Variants in SPIN3 observed in about 807,000 individuals in gnomAD.
The protein encoded by SPIN3 is spindlin-3.
For synonymous variants in SPIN3, 74 were observed against 74.3 expected, an observed-to-expected ratio of 1.00 and a Z score of 0.02; for missense variants, 176 against 196.4, an observed-to-expected ratio of 0.90 and a Z score of 0.62.
chrX:56,990,313 A>G (rs1924302973), downstream of SPIN3, among the ~76,000 whole-genome samples: 2 of 111,742 alleles, frequency 1.8e-5, no homozygotes, highest in South Asian at 7.5e-4. Flanking sequence ...GCCCCAATTC[A>G]AACTATGCCT....
In SPIN3 at chrX:56,976,994, G is replaced by A. The variant is rs1354069070; in HGVS notation, c.*614C>T. On this transcript the variant is annotated 3_prime_UTR_variant and NMD_transcript_variant, in exon 6 of 6. Transcript: ENST00000475785. Reference sequence around the variant, plus strand: ...TTGAGTGGAGCTGTTACCTGTTTATGTAATTTTTCTTGTTGAAATGAACAA... The same window carrying A: ...TTGAGTGGAGCTGTTACCTGTTTATATAATTTTTCTTGTTGAAATGAACAA... The A allele has an allele frequency of 2.7e-5, 3 of 111,624 alleles. No individual in the cohort carries two copies. In the East Asian group the frequency reaches 8.4e-4, roughly 31 times the overall value. 9.2% of individuals were successfully genotyped at this position (111,624 alleles called of 1,213,427 possible).
In SPIN3 at chrX:56,992,768, C is replaced by T; in HGVS notation, c.*1403G>A. The T allele has an allele frequency of 3.6e-6, 1 of 277,241 alleles. No individual in the cohort carries two copies. Among genetic ancestry groups the T allele is most frequent in the East Asian group, 5.2e-5 (1 of 19,408 alleles). 22.8% of individuals were successfully genotyped at this position (277,241 alleles called of 1,213,427 possible). A position where few individuals can be genotyped will look rare whatever the true frequency, so the allele number is the denominator to read the frequency against. ...TCTCTCAAAAACCATGCTTGTACTT[C>T]AACTTTTCTTTCCTAGGCTTTGGTT... On this transcript the variant is annotated 3_prime_UTR_variant, in exon 2 of 2. Coordinates refer to ENST00000374919, the MANE Select transcript of SPIN3 (RefSeq NM_001010862.3).
intron 3 of SPIN3, chrX:56,981,417 G>T (rs1199761486): frequency 4.6e-5 from 5 of 109,232 alleles, no homozygotes; most frequent in Non-Finnish European, 9.5e-5. Flanking sequence ...TTATAATCAT[G>T]ATAAAGTTTT....
rs769282813 is a variant in SPIN3 at position 56,994,866 on chromosome X, T to A, written c.82A>T (p.Ile28Leu). 1 of 1,209,988 alleles carries A rather than the reference T, an allele frequency of 8.3e-7. No individual in the cohort carries two copies. The highest frequency in any genetic ancestry group is 1.8e-5 in the African/African-American group (1 of 57,135). ...TTCTTGTGTGCAGCCTTCCTCTTTA[T>A]CATGGTAACAGACACACTGCCGTGG... ...AGHGSVSVTM[I>L]KRKAAHKKHR... The change falls in exon 2 of 2, where the codon ATA (isoleucine) becomes TTA (leucine). Residue 28 changes from isoleucine to leucine, a missense_variant. Coordinates refer to ENST00000374919, the MANE Select transcript of SPIN3 (RefSeq NM_001010862.3).
intron 3 of SPIN3, chrX:56,979,350 A>T (rs902476761): frequency 9.0e-5 from 10 of 111,142 alleles, no homozygotes; most frequent in Admixed American, 1.9e-4. Flanking sequence ...CCAATCATTG[A>T]GATTCTCCAG....
chrX:56,980,929 A>C (rs1160864230), intron 3 of SPIN3, among the ~76,000 whole-genome samples: 1 of 111,709 alleles, frequency 9.0e-6, no homozygotes. Flanking sequence ...ACCGGCATTA[A>C]AAAGAAAAAA....
At chrX:56,976,176 G>A (rs1192275439), downstream of SPIN3, 1 of 111,509 alleles carries the variant, frequency 9.0e-6, no homozygotes, top group Admixed American at 9.5e-5. Flanking sequence ...ATGGAGAATC[G>A]GATAAGTATG....
chrX:56,976,440 A>G (rs184174987), exon 6 of SPIN3: 15 of 111,842 alleles, frequency 1.3e-4, no homozygotes, highest in African/African-American at 4.2e-4. Flanking sequence ...AAGTGTACAT[A>G]TGTAAAAGAG....
rs1030841187 is a variant in SPIN3 at position 56,992,802 on chromosome X, C to T, written c.*1369G>A. 6 of 254,346 alleles carry T rather than the reference C, an allele frequency of 2.4e-5. No homozygotes were observed. Among genetic ancestry groups the T allele is most frequent in the Middle Eastern group, 1.1e-3 (1 of 942 alleles). The allele number at this position is 254,346 out of a possible 1,213,427, so 21.0% of individuals were successfully genotyped here. ...TTTCCTAGGCTTTGGTTAACCTCCGCCAATGGCTCTTTAATAATGGAAAGC... is the reference window on the plus strand; with the variant it reads ...TTTCCTAGGCTTTGGTTAACCTCCGTCAATGGCTCTTTAATAATGGAAAGC... On this transcript the variant is annotated 3_prime_UTR_variant, in exon 2 of 2. Coordinates refer to ENST00000374919, the MANE Select transcript of SPIN3 (RefSeq NM_001010862.3).
chrX:56,992,599 T>C lies in SPIN3; in HGVS notation c.*1572A>G, dbSNP rs764698694. The C allele has an allele frequency of 1.0e-5, 3 of 295,351 alleles. No individual in the cohort carries two copies. The highest frequency in any genetic ancestry group is 8.3e-5 in the African/African-American group (3 of 36,291). The allele number at this position is 295,351 out of a possible 1,213,427, so 24.3% of individuals were successfully genotyped here. ...TGAACTTAAACTAATTTGGAAGATA[T>C]CTTGCAGTACAGTCCCAATATGATT... On this transcript the variant is annotated 3_prime_UTR_variant, in exon 2 of 2. Transcript: ENST00000374919.
downstream of SPIN3, among the ~76,000 whole-genome samples, chrX:56,990,494 T>C (rs1345477528): frequency 8.9e-6 from 1 of 112,093 alleles, no homozygotes; most frequent in Non-Finnish European, 1.9e-5. Flanking sequence ...TGAGTGCAAG[T>C]TTAAACAGAA....
intron 3 of SPIN3, chrX:56,982,779 C>T (rs1307034742): frequency 9.0e-6 from 1 of 111,333 alleles, no homozygotes. Context: ...GATCAACTGA[C>T]CAAGCTGTGG....
chrX:56,994,041 G>T lies in SPIN3; in HGVS notation c.*130C>A. 1 of 683,350 alleles carries T rather than the reference G, an allele frequency of 1.5e-6. No homozygotes were observed. The highest frequency in any genetic ancestry group is 2.1e-6 in the Non-Finnish European group (1 of 480,707). 56.3% of individuals were successfully genotyped at this position (683,350 alleles called of 1,213,427 possible). On this transcript the variant is annotated 3_prime_UTR_variant, in exon 2 of 2. Transcript: ENST00000374919. ...TCCAAAAACGTATGAGAGGGCAGAAGTTCCAATTTTTTTGCCAAGCAAAAC... is the reference window on the plus strand; with the variant it reads ...TCCAAAAACGTATGAGAGGGCAGAATTTCCAATTTTTTTGCCAAGCAAAAC...
chrX:56,984,146 C>A (rs1924174603), intron 3 of SPIN3: 1 of 139,874 alleles, frequency 7.1e-6, no homozygotes, highest in African/African-American at 3.2e-5. Context: ...GCTTTCAGAG[C>A]CCACCTCCCC....
rs1924380535 is a variant in SPIN3, at chrX:56,992,848, T to C, written c.*1323A>G. 1 of 210,050 alleles carries C rather than the reference T, an allele frequency of 4.8e-6. No homozygotes were observed. Among genetic ancestry groups the C allele is most frequent in the African/African-American group, 2.9e-5 (1 of 34,461 alleles). The allele number at this position is 210,050 out of a possible 1,213,427, so 17.3% of individuals were successfully genotyped here. On this transcript the variant is annotated 3_prime_UTR_variant, in exon 2 of 2. Coordinates refer to ENST00000374919, the MANE Select transcript of SPIN3 (RefSeq NM_001010862.3). ...AAAGCTCAAAGGCCCTTCCATTGTTTACTTTTCTGCCACAGTAGAACTCAC... is the reference window on the plus strand; with the variant it reads ...AAAGCTCAAAGGCCCTTCCATTGTTCACTTTTCTGCCACAGTAGAACTCAC...
At position 56,992,446 on chromosome X, in the gene SPIN3, T is replaced by G; in HGVS notation, c.*1725A>C. The G allele has an allele frequency of 3.4e-6, 1 of 297,259 alleles. No individual in the cohort carries two copies. Among genetic ancestry groups the G allele is most frequent in the East Asian group, 4.7e-5 (1 of 21,060 alleles). 24.5% of individuals were successfully genotyped at this position (297,259 alleles called of 1,213,427 possible). ...CATTGCTGTTGTCAGTCAAACATCA[T>G]AGTAGAGACTTAGTGGCATCAAAAA... On this transcript the variant is annotated 3_prime_UTR_variant, in exon 2 of 2. Transcript: ENST00000374919.
intron 3 of SPIN3, among the ~76,000 whole-genome samples, chrX:56,981,357 T>C (rs1924115578): frequency 1.1e-5 from 1 of 91,942 alleles, no homozygotes; most frequent in Admixed American, 1.2e-4. Context: ...TGAGACTCCA[T>C]CTCAAAAAAA....
At position 56,994,939 on chromosome X, in the gene SPIN3, G is replaced by A. The variant is rs1026275642; in HGVS notation, c.9C>T (p.Thr3=). 15 of 1,187,896 alleles carry A rather than the reference G, an allele frequency of 1.3e-5. No individual in the cohort carries two copies. The highest frequency in any genetic ancestry group is 1.6e-5 in the Non-Finnish European group (14 of 884,926). Residue 3 remains threonine (T), a synonymous_variant, in exon 2 of 2, where the codon ACC becomes ACT. Coordinates refer to ENST00000374919, the MANE Select transcript of SPIN3 (RefSeq NM_001010862.3). ...GCCCTGCAGCTGCCTTTCCAAACGG[G>A]GTCTTCATGCCTGCGAAGAGGAGCA... MK[T]PFGKAAAGQR...
Position 56,992,300 on chromosome X carries a change from T to C in SPIN3, c.*1871A>G, listed in dbSNP as rs998703080. 3.4e-6 allele frequency: 1 copy of C among 294,764 alleles called. No homozygotes were observed. The highest frequency in any genetic ancestry group is 5.9e-6 in the Non-Finnish European group (1 of 169,928). 24.3% of individuals were successfully genotyped at this position (294,764 alleles called of 1,213,427 possible). On this transcript the variant is annotated 3_prime_UTR_variant, in exon 2 of 2. Transcript: ENST00000374919. Reference sequence around the variant, plus strand: ...CCAAAGGGTCAAGAAGACATAAGATTATCACAATATCAACCTCACATCAAA... The same window carrying C: ...CCAAAGGGTCAAGAAGACATAAGATCATCACAATATCAACCTCACATCAAA...
Sources: allele counts gnomAD v4.1 joint callset (sites outside exome capture counted in the v4.1 genomes callset), GRCh38; gene constraint gnomAD v4.1.1; transcripts MANE v1.5; gene names NCBI Gene and HGNC (gene_info 2026-07-23, HGNC 2026-07-21).